Variants in MTHFD1L observed in about 807,000 individuals in gnomAD.
MTHFD1L encodes monofunctional C1-tetrahydrofolate synthase, mitochondrial.
In MTHFD1L, 81 loss-of-function variants were observed where a neutral mutation model predicts 119.5. The observed-to-expected ratio is 0.68, with a 90% confidence interval of 0.57 to 0.82. The LOEUF (loss-of-function observed/expected upper bound fraction) is 0.82, where lower values mean the gene tolerates loss of function less well. Among genes scored for constraint, MTHFD1L ranks in the 40% least tolerant of loss-of-function variants. The pLI, the probability that MTHFD1L is intolerant of heterozygous loss-of-function variation, is 0.00. For synonymous variants in MTHFD1L, 430 were observed against 475.2 expected (o/e 0.90, Z 1.24); for missense variants, 1,125 against 1,253.4 (o/e 0.90, Z 1.55).
intron 26 of MTHFD1L, among the ~76,000 whole-genome samples, chr6:151,063,613 T>G (rs1186011517): frequency 2.0e-5 from 3 of 152,202 alleles, no homozygotes; most frequent in Non-Finnish European, 4.4e-5. Context: ...GTTCAAAATT[T>G]TATGCTATTA....
chr6:150,887,923 A>C lies in MTHFD1L; in HGVS notation c.722A>C (p.Gln241Pro), dbSNP rs1475718716. The C allele has an allele frequency of 3.1e-6, 5 of 1,611,172 alleles. No individual in the cohort carries two copies. The highest frequency in any genetic ancestry group is 4.2e-6 in the Non-Finnish European group (5 of 1,179,002). Reference sequence around the variant, plus strand: ...GAAGCTGCTCTACAATGCCTGTTCCAGAGAAAAGGGTCCATGACAATGAGC... The same window carrying C: ...GAAGCTGCTCTACAATGCCTGTTCCCGAGAAAAGGGTCCATGACAATGAGC... ...SLEAALQCLFQRKGSMTMSIQ... is the reference protein window; with the variant it reads ...SLEAALQCLFPRKGSMTMSIQ... Residue 241 changes from glutamine to proline, a missense_variant, in exon 7 of 28, where the codon CAG becomes CCG. Physicochemically the swap from Gln to Pro is moderately conservative, Grantham distance 76 (BLOSUM62 -1). Coordinates refer to ENST00000367321, the MANE Select transcript of MTHFD1L (RefSeq NM_015440.5).
chr6:150,895,838 G>C (rs2128808497), intron 7 of MTHFD1L, among the ~76,000 whole-genome samples: 1 of 152,326 alleles, frequency 6.6e-6, no homozygotes, highest in South Asian at 2.1e-4. Context: ...ACATTAGTGA[G>C]TTACATGACA....
intron 26 of MTHFD1L, among the ~76,000 whole-genome samples, chr6:151,078,543 T>G (rs190278081): frequency 6.6e-6 from 1 of 152,268 alleles, no homozygotes; most frequent in East Asian, 1.9e-4. Context: ...CCTGGGTTCC[T>G]CATCAAAGCT....
At chr6:150,993,705 G>A (rs524732) in intron 20 of MTHFD1L, among the ~76,000 whole-genome samples, 39,696 of 151,950 alleles carry the variant, frequency 0.26, 5,802 homozygotes, top group East Asian at 0.56. Flanking sequence ...CGTAAGTACC[G>A]ATTTCTGCTG....
intron 24 of MTHFD1L, among the ~76,000 whole-genome samples, chr6:151,024,499 C>T (rs1167266854): frequency 6.6e-6 from 1 of 151,862 alleles, no homozygotes; most frequent in African/African-American, 2.4e-5. Flanking sequence ...GCCAAGATCA[C>T]CCCACTGCAT....
Position 151,090,895 on chromosome 6 carries a change from C to T in MTHFD1L, c.2848-1572C>T, listed in dbSNP as rs1342343037. ...CCCCATGCGACTGGGTGCAGCATTG[C>T]CCCATGCGACTGGGTGCAGCATCGT... On this transcript the variant is annotated intron_variant, in intron 26 of 27. Transcript: ENST00000367321. Among the ~76,000 whole-genome samples the T allele has an allele frequency of 7.7e-4, 59 of 76,448 alleles. 1 individual carries two copies. Among genetic ancestry groups the T allele is most frequent in the East Asian group, 3.6e-3 (6 of 1,644 alleles). The allele number at this position is 76,448 out of a possible 152,430, so 50.2% of individuals were successfully genotyped here.
At chr6:150,996,725 C>T (rs1448108752) in intron 20 of MTHFD1L, among the ~76,000 whole-genome samples, 1 of 152,184 alleles carries the variant, frequency 6.6e-6, no homozygotes, top group Admixed American at 6.5e-5. Flanking sequence ...AACATTTCTC[C>T]AGCTGGGTTG....
chr6:150,998,126 G>T lies in MTHFD1L; in HGVS notation c.2126-11693G>T, dbSNP rs970049927. Among the ~76,000 whole-genome samples, 4 of 142,180 alleles carry T rather than the reference G, an allele frequency of 2.8e-5. No individual in the cohort carries two copies. In the South Asian group the frequency reaches 8.7e-4, roughly 31 times the overall value. The allele number at this position is 142,180 out of a possible 152,430, so 93.3% of individuals were successfully genotyped here. A position where few individuals can be genotyped will look rare whatever the true frequency, so the allele number is the denominator to read the frequency against. On this transcript the variant is annotated intron_variant, in intron 20 of 27. Transcript: ENST00000367321. ...GCTACTTTCACTTACTATATATGATGTAGTCTAATAATTTTCTATCCTATT... is the reference window on the plus strand; with the variant it reads ...GCTACTTTCACTTACTATATATGATTTAGTCTAATAATTTTCTATCCTATT...
intron 1 of MTHFD1L, among the ~76,000 whole-genome samples, chr6:150,871,316 G>A (rs77318960): frequency 0.076 from 11,374 of 149,390 alleles, 499 homozygotes; most frequent in South Asian, 0.15. Context: ...TTTAAAGTAA[G>A]ACAATGAGGT....
At chr6:151,012,051 A>C (rs13191379) in intron 21 of MTHFD1L, among the ~76,000 whole-genome samples, 10 of 146,284 alleles carry the variant, frequency 6.8e-5, no homozygotes, top group South Asian at 2.2e-4. Flanking sequence ...AAAAAAAAAA[A>C]CCAGCAGGGA....
chr6:150,935,424 T>C, intron 11 of MTHFD1L: 2 of 1,613,656 alleles, frequency 1.2e-6, no homozygotes, highest in Non-Finnish European at 1.7e-6. Context: ...TTGTTAGCAA[T>C]GGGTGAACTG....
At chr6:150,899,489 AC>A (rs1303917205) in intron 7 of MTHFD1L, among the ~76,000 whole-genome samples, 1 of 152,234 alleles carries the variant, frequency 6.6e-6, no homozygotes, top group Admixed American at 6.5e-5. Flanking sequence ...AAGTACGACA[AC>A]ATCTGAATGA....
At chr6:151,066,437 CAAAAA>C (rs35065800) in intron 26 of MTHFD1L, among the ~76,000 whole-genome samples, 42 of 50,702 alleles carry the variant, frequency 8.3e-4, no homozygotes, top group African/African-American at 1.2e-3. Flanking sequence ...GACTCCATCT[CAAAAA>C]AAAAAAAAAA....
At chr6:150,924,404 C>T (rs970501731) in intron 10 of MTHFD1L, among the ~76,000 whole-genome samples, 5 of 152,122 alleles carry the variant, frequency 3.3e-5, no homozygotes, top group African/African-American at 1.2e-4. Flanking sequence ...AACTCCTGAC[C>T]TCAAGTGATC....
At chr6:150,945,379 G>A (rs930819800) in intron 14 of MTHFD1L, 88 bp from the exon 15 acceptor site, 32 of 1,015,320 alleles carry the variant, frequency 3.2e-5, no homozygotes, top group South Asian at 7.2e-5. Flanking sequence ...GGTTATAAAT[G>A]CAATGAATTT....
intron 24 of MTHFD1L, among the ~76,000 whole-genome samples, chr6:151,030,931 A>G (rs146483831): frequency 3.9e-3 from 592 of 152,348 alleles, no homozygotes; most frequent in African/African-American, 0.013. Flanking sequence ...CTGTAATCCC[A>G]GCAACCTGGG....
At chr6:150,939,683 CTTTT>C (rs751835547) in intron 13 of MTHFD1L, among the ~76,000 whole-genome samples, 1 of 108,456 alleles carries the variant, frequency 9.2e-6, no homozygotes, top group Non-Finnish European at 1.8e-5. Flanking sequence ...CTTGCAGACT[CTTTT>C]TTTTTTTTTT....
intron 21 of MTHFD1L, among the ~76,000 whole-genome samples, chr6:151,012,270 A>G (rs1782395103): frequency 6.6e-6 from 1 of 151,520 alleles, no homozygotes; most frequent in Non-Finnish European, 1.5e-5. Context: ...AAGATAAATG[A>G]ACTTTCATCC....
chr6:151,015,745 T>C (rs779950938), intron 24 of MTHFD1L, 52 bp downstream of exon 24: 14 of 1,574,722 alleles, frequency 8.9e-6, no homozygotes, highest in Non-Finnish European at 1.2e-5. Context: ...TAGCATGGGT[T>C]GTCCCATTCT....
Sources: allele counts gnomAD v4.1 joint callset (sites outside exome capture counted in the v4.1 genomes callset), GRCh38; gene constraint gnomAD v4.1.1; transcripts MANE v1.5; gene names NCBI Gene and HGNC (gene_info 2026-07-23, HGNC 2026-07-21).